Variants in JAZF1 observed in about 807,000 individuals in gnomAD.
The protein encoded by JAZF1 is JAZF zinc finger 1.
In JAZF1, 8 loss-of-function variants were observed where a neutral mutation model predicts 26.4. The observed-to-expected ratio is 0.30, with a 90% CI of 0.18 to 0.55. The LOEUF is 0.55. JAZF1 is among the 20% of genes least tolerant of loss of function. The probability of loss-of-function intolerance (pLI) is 0.94; values close to 1 mark genes in which losing one functional copy is unlikely to be tolerated. For synonymous variants in JAZF1, 126 were observed against 122.3 expected (o/e 1.03, Z -0.20); for missense variants, 199 against 322.0 (o/e 0.62, Z 2.92).
intron 4 of JAZF1, among the ~76,000 whole-genome samples, chr7:27,839,716 A>C (rs954315215): frequency 6.6e-6 from 1 of 152,230 alleles, no homozygotes; most frequent in Non-Finnish European, 1.5e-5. Flanking sequence ...ACTTTGTGAT[A>C]CATTTGTGTG....
intron 3 of JAZF1, among the ~76,000 whole-genome samples, chr7:27,848,665 G>A (rs975031425): frequency 4.6e-5 from 7 of 152,134 alleles, no homozygotes; most frequent in African/African-American, 7.2e-5. Context: ...GAAGTGCCAC[G>A]GTTTTGAGGC....
At chr7:28,133,820 A>T (rs1302956469) in intron 1 of JAZF1, among the ~76,000 whole-genome samples, 1 of 152,162 alleles carries the variant, frequency 6.6e-6, no homozygotes, top group Admixed American at 6.5e-5. Context: ...TCTTCCAGAG[A>T]GTCCTTCACA....
intron 3 of JAZF1, among the ~76,000 whole-genome samples, chr7:27,859,277 G>A (rs939405044): frequency 6.6e-6 from 1 of 152,226 alleles, no homozygotes. Context: ...CTGTTGGTGG[G>A]AGTGTAAATT....
intron 2 of JAZF1, among the ~76,000 whole-genome samples, chr7:27,902,607 T>C (rs573398502): frequency 6.6e-6 from 1 of 152,326 alleles, no homozygotes; most frequent in South Asian, 2.1e-4. Context: ...ATGGTGACAA[T>C]GACAGGTCCG....
At chr7:27,862,432 C>G (rs1783400981) in intron 3 of JAZF1, among the ~76,000 whole-genome samples, 1 of 152,042 alleles carries the variant, frequency 6.6e-6, no homozygotes, top group South Asian at 2.1e-4. Context: ...GAACATAAAG[C>G]TTTACTGAGG....
At chr7:27,923,126 C>A (rs1188844393) in intron 2 of JAZF1, among the ~76,000 whole-genome samples, 1 of 152,160 alleles carries the variant, frequency 6.6e-6, no homozygotes, top group Non-Finnish European at 1.5e-5. Context: ...CATTCTAAGA[C>A]CATGCCTTCT....
At chr7:27,972,643 T>A (rs1315037591) in intron 2 of JAZF1, among the ~76,000 whole-genome samples, 1 of 152,210 alleles carries the variant, frequency 6.6e-6, no homozygotes, top group African/African-American at 2.4e-5. Context: ...TGCAGGATTA[T>A]CGTTAGTGGT....
chr7:28,102,339 T>C (rs776519924), intron 1 of JAZF1, among the ~76,000 whole-genome samples: 1 of 152,222 alleles, frequency 6.6e-6, no homozygotes, highest in Non-Finnish European at 1.5e-5. Context: ...TTAAAAGACA[T>C]ATTGTGAATA....
intron 1 of JAZF1, among the ~76,000 whole-genome samples, chr7:28,129,595 A>G (rs951315647): frequency 6.6e-6 from 1 of 152,216 alleles, no homozygotes; most frequent in Non-Finnish European, 1.5e-5. Context: ...ATGCTATACC[A>G]AAAGAACTAC....
chr7:27,998,959 T>C (rs1786077397), intron 1 of JAZF1, among the ~76,000 whole-genome samples: 1 of 152,186 alleles, frequency 6.6e-6, no homozygotes, highest in Non-Finnish European at 1.5e-5. Flanking sequence ...AATGACTGCT[T>C]GAATTTTTCC....
intron 2 of JAZF1, among the ~76,000 whole-genome samples, chr7:27,990,807 T>G (rs1227680388): frequency 1.3e-5 from 2 of 152,212 alleles, no homozygotes; most frequent in Non-Finnish European, 2.9e-5. Flanking sequence ...TTATTTTCAT[T>G]TGATGTAATT....
intron 1 of JAZF1, among the ~76,000 whole-genome samples, chr7:28,078,984 C>T (rs372641629): frequency 2.0e-5 from 3 of 151,762 alleles, no homozygotes; most frequent in African/African-American, 7.3e-5. Context: ...ATCTAAAATG[C>T]CCATAATTTT....
chr7:27,992,742 AT>A (rs1273623623), intron 1 of JAZF1, among the ~76,000 whole-genome samples: 1 of 152,248 alleles, frequency 6.6e-6, no homozygotes, highest in East Asian at 1.9e-4. Context: ...ATAAGGACAT[AT>A]AAGGAAGAAA....
Position 28,091,114 on chromosome 7 carries a change from C to A in JAZF1, c.115+89349G>T, listed in dbSNP as rs370137713. ...GTGCTGGGATTACAGGCGTGAGCCA[C>A]CGCGCCCGGCCTTTTTTTTAGTTTT... On this transcript the variant is annotated intron_variant, in intron 1 of 4. Transcript: ENST00000283928. Among the ~76,000 whole-genome samples the A allele has an allele frequency of 6.8e-4, 103 of 152,056 alleles. 3 individuals are homozygous for A. The East Asian group carries it at 0.016, about 23-fold the overall frequency.
chr7:27,987,114 C>T (rs1785734754), intron 2 of JAZF1, among the ~76,000 whole-genome samples: 1 of 152,060 alleles, frequency 6.6e-6, no homozygotes, highest in African/African-American at 2.4e-5. Context: ...GCCTGGCCAC[C>T]CATCGTCTGG....
intron 3 of JAZF1, among the ~76,000 whole-genome samples, chr7:27,848,267 C>T (rs1293518057): frequency 6.6e-6 from 1 of 152,118 alleles, no homozygotes; most frequent in Non-Finnish European, 1.5e-5. Flanking sequence ...GTGTACAAAT[C>T]TTTCACCTCC....
rs960756962 is a variant in JAZF1, at chr7:28,073,174, T to C, written c.116-81193A>G. On this transcript the variant is annotated intron_variant, in intron 1 of 4. Coordinates refer to ENST00000283928, the MANE Select transcript of JAZF1 (RefSeq NM_175061.4). Reference sequence around the variant, plus strand: ...TTGGAGATGACCCTCTCCAATCCCCTATGTTTTAAAATAAGCAACTAATAT... The same window carrying C: ...TTGGAGATGACCCTCTCCAATCCCCCATGTTTTAAAATAAGCAACTAATAT... Among the ~76,000 whole-genome samples the C allele has an allele frequency of 2.0e-5, 3 of 152,204 alleles. 1 individual carries two copies. The South Asian group carries it at 6.2e-4, about 32-fold the overall frequency.
chr7:27,909,755 C>T (rs188045041), intron 2 of JAZF1, among the ~76,000 whole-genome samples: 22 of 152,104 alleles, frequency 1.4e-4, no homozygotes, highest in East Asian at 1.4e-3. Context: ...CCACAACAAC[C>T]GCCACAATGT....
At chr7:28,120,501 C>CTTTGTTTTTTTT (rs1782582417) in intron 1 of JAZF1, among the ~76,000 whole-genome samples, 1 of 59,002 alleles carries the variant, frequency 1.7e-5, no homozygotes, top group Non-Finnish European at 2.8e-5. Flanking sequence ...ACACACAGTT[C>CTTTGTTTTTTTT]TTTTTTTTTT....
Sources: gnomAD v4.1 joint callset for allele counts (sites outside exome capture counted in the v4.1 genomes callset) on GRCh38, gnomAD v4.1.1 for gene constraint, MANE v1.5 for transcripts, NCBI Gene and HGNC (gene_info 2026-07-23, HGNC 2026-07-21) for gene names.